Variants in GLDN observed in about 807,000 individuals in gnomAD.
GLDN encodes the protein gliomedin.
A neutral mutation model predicts 56.5 loss-of-function variants in GLDN; 47 were observed. The ratio of observed to expected loss-of-function variants is 0.83; its 90% CI spans 0.66 to 1.06. GLDN has a LOEUF of 1.06. GLDN is among the 50% of genes least tolerant of loss of function. GLDN has a pLI of 0.00. For missense variants in GLDN, 782 were observed against 714.3 expected, an observed-to-expected ratio of 1.09 and a Z score of -1.08; for synonymous variants, 332 against 278.8, an observed-to-expected ratio of 1.19 and a Z score of -1.90.
Position 51,342,029 on chromosome 15 carries a change from GA to G in GLDN, c.346del (p.Thr116ProfsTer9). 1 of 1,595,194 alleles carries G rather than the reference GA, an allele frequency of 6.3e-7. No individual in the cohort carries two copies. Among genetic ancestry groups the G allele is most frequent in the Non-Finnish European group, 8.5e-7 (1 of 1,178,332 alleles). Reference sequence around the variant, plus strand: ...AGAGCCATGACATGCTGATGATGATGACCTACTCCATGGTGCCGGTAGGCGG... The same window carrying G: ...AGAGCCATGACATGCTGATGATGATGCCTACTCCATGGTGCCGGTAGGCGG... ...AESHDMLMMM[T>X]YSMVPIRVMV... On this transcript the variant is annotated frameshift_variant, in exon 1 of 10. Transcript: ENST00000335449. LOFTEE classifies it high-confidence loss of function.
At chr15:51,343,042 C>T (rs894645474) in intron 1 of GLDN, among the ~76,000 whole-genome samples, 1 of 152,196 alleles carries the variant, frequency 6.6e-6, no homozygotes, top group African/African-American at 2.4e-5. Flanking sequence ...TTATTTATTA[C>T]AATTGCAACA....
chr15:51,345,526 G>A (rs1378701041), intron 1 of GLDN, among the ~76,000 whole-genome samples: 1 of 152,184 alleles, frequency 6.6e-6, no homozygotes, highest in East Asian at 1.9e-4. Context: ...TGATGAAAAG[G>A]CATTTGATAA....
chr15:51,377,258 A>G, intron 1 of GLDN, 191 bp from the exon 2 acceptor site: 1 of 567,076 alleles, frequency 1.8e-6, no homozygotes, highest in Non-Finnish European at 3.1e-6. Context: ...TTATGAAATC[A>G]CCATTGTGTA....
At chr15:51,350,681 A>G (rs1487712248) in intron 1 of GLDN, among the ~76,000 whole-genome samples, 2 of 152,200 alleles carry the variant, frequency 1.3e-5, no homozygotes, top group Non-Finnish European at 2.9e-5. Context: ...GCAGGCAATG[A>G]TGGTGCACAA....
At chr15:51,343,457 C>T (rs551338476) in intron 1 of GLDN, among the ~76,000 whole-genome samples, 8 of 152,188 alleles carry the variant, frequency 5.3e-5, no homozygotes, top group Non-Finnish European at 8.8e-5. Flanking sequence ...ATCTGAGCAT[C>T]ATTGTTTTAC....
Position 51,404,704 on chromosome 15 carries a change from C to T in GLDN, c.1606C>T (p.His536Tyr), listed in dbSNP as rs752269197. 3.1e-6 allele frequency: 5 copies of T among 1,611,064 alleles called. No individual in the cohort carries two copies. In the South Asian group the frequency reaches 5.5e-5, roughly 18 times the overall value. Residue 536 changes from histidine (H) to tyrosine (Y), a missense_variant, in exon 10 of 10, where the codon CAT becomes TAT. His to Tyr is a moderately conservative substitution (Grantham distance 83). Coordinates refer to ENST00000335449, the MANE Select transcript of GLDN (RefSeq NM_181789.4). Reference sequence around the variant, plus strand: ...GCATTTATATTCATGGGAAGATGGCCATTTAATGCTTTATCCTGTGCAGTT... The same window carrying T: ...GCATTTATATTCATGGGAAGATGGCTATTTAATGCTTTATCCTGTGCAGTT... Reference protein sequence around the residue: ...DQHLYSWEDGHLMLYPVQFLS... With the variant: ...DQHLYSWEDGYLMLYPVQFLS...
chr15:51,371,903 T>C (rs2037524805), intron 1 of GLDN, among the ~76,000 whole-genome samples: 1 of 152,216 alleles, frequency 6.6e-6, no homozygotes, highest in South Asian at 2.1e-4. Context: ...CAGGCTGGTC[T>C]TGAACTCCTG....
At chr15:51,408,124 A>T (rs945958525), downstream of GLDN, 1 of 152,206 alleles carries the variant, frequency 6.6e-6, no homozygotes, top group African/African-American at 2.4e-5. Context: ...GTGGAAACTC[A>T]ATTTGCTAGC....
At chr15:51,359,978 C>CAAA (rs58874237) in intron 1 of GLDN, among the ~76,000 whole-genome samples, 10,295 of 92,428 alleles carry the variant, frequency 0.11, 1,602 homozygotes, top group African/African-American at 0.36. Flanking sequence ...GACTCTGTCT[C>CAAA]AAAAAAAAAA....
chr15:51,410,884 G>C (rs1258934569), downstream of GLDN, among the ~76,000 whole-genome samples: 1 of 152,110 alleles, frequency 6.6e-6, no homozygotes, highest in Non-Finnish European at 1.5e-5. Context: ...CACTGAAATG[G>C]GGCTTTGGTG....
downstream of GLDN, among the ~76,000 whole-genome samples, chr15:51,413,003 T>C (rs900303194): frequency 6.6e-6 from 1 of 152,242 alleles, no homozygotes; most frequent in Non-Finnish European, 1.5e-5. Flanking sequence ...CATTTACATT[T>C]CATGCAATGG....
At chr15:51,374,354 C>A (rs1006138700) in intron 1 of GLDN, among the ~76,000 whole-genome samples, 1 of 152,128 alleles carries the variant, frequency 6.6e-6, no homozygotes, top group Admixed American at 6.6e-5. Context: ...AAATTTTGTT[C>A]CTAGTGCAGC....
intron 5 of GLDN, among the ~76,000 whole-genome samples, chr15:51,396,766 TTGAG>T (rs2038137825): frequency 6.6e-6 from 1 of 152,130 alleles, no homozygotes; most frequent in South Asian, 2.1e-4. Context: ...TCAGACTTGA[TTGAG>T]TGCCTATTGT....
At position 51,341,697 on chromosome 15, in the gene GLDN, G is replaced by T. The variant is rs2141040018; in HGVS notation, c.13G>T (p.Ala5Ser). The change falls in exon 1 of 10, where the codon GCT becomes TCT. Residue 5 changes from alanine (A) to serine (S), a missense_variant. Ala to Ser is a moderately conservative substitution (Grantham distance 99). Coordinates refer to ENST00000335449, the MANE Select transcript of GLDN (RefSeq NM_181789.4). ...AGGCGCATAGAGCATGGCCCGAGGCGCTGAGGGAGGCCGTGGGGACGCGGG... is the reference window on the plus strand; with the variant it reads ...AGGCGCATAGAGCATGGCCCGAGGCTCTGAGGGAGGCCGTGGGGACGCGGG... Reference protein sequence around the residue: MARGAEGGRGDAGWG... With the variant: MARGSEGGRGDAGWG... The T allele has an allele frequency of 7.0e-7, 1 of 1,422,584 alleles. No homozygotes were observed. Among genetic ancestry groups the T allele is most frequent in the East Asian group, 2.9e-5 (1 of 34,830 alleles). The allele number at this position is 1,422,584 out of a possible 1,614,324, so 88.1% of individuals were successfully genotyped here.
At chr15:51,352,957 A>G (rs1394922304) in intron 1 of GLDN, among the ~76,000 whole-genome samples, 4 of 152,340 alleles carry the variant, frequency 2.6e-5, no homozygotes, top group Non-Finnish European at 5.9e-5. Flanking sequence ...TAGCCACAAG[A>G]TTAGAAGTTA....
intron 4 of GLDN, among the ~76,000 whole-genome samples, chr15:51,388,193 C>A (rs2037941371): frequency 6.6e-6 from 1 of 152,174 alleles, no homozygotes. Flanking sequence ...CTGTCACATC[C>A]CCTGCTCTTT....
intron 1 of GLDN, among the ~76,000 whole-genome samples, chr15:51,360,692 C>A (rs775934275): frequency 2.6e-5 from 4 of 152,230 alleles, no homozygotes; most frequent in East Asian, 1.9e-4. Context: ...TCTCCCACCC[C>A]CTAAGTTGTG....
At chr15:51,349,242 A>G (rs1264160279) in intron 1 of GLDN, among the ~76,000 whole-genome samples, 1 of 152,262 alleles carries the variant, frequency 6.6e-6, no homozygotes, top group Non-Finnish European at 1.5e-5. Flanking sequence ...CACATTACCT[A>G]CAGTCACAGC....
At chr15:51,349,212 T>C (rs1216596091) in intron 1 of GLDN, among the ~76,000 whole-genome samples, 1 of 152,264 alleles carries the variant, frequency 6.6e-6, no homozygotes, top group African/African-American at 2.4e-5. Context: ...GAAATTCTAT[T>C]GTTTATAGAG....
Sources: allele counts gnomAD v4.1 joint callset (sites outside exome capture counted in the v4.1 genomes callset), GRCh38; gene constraint gnomAD v4.1.1; transcripts MANE v1.5; gene names NCBI Gene and HGNC (gene_info 2026-07-23, HGNC 2026-07-21).